Variants in ADK observed in about 807,000 individuals in gnomAD.
The protein encoded by ADK is N6,N6-dimethyladenosine kinase.
In ADK, 24 loss-of-function variants were observed where a neutral mutation model predicts 44.7. That is an observed-to-expected ratio of 0.54 (90% CI 0.39 to 0.76). The LOEUF (loss-of-function observed/expected upper bound fraction) is 0.76. Among genes scored for constraint, ADK ranks in the 30% least tolerant of loss-of-function variants. The pLI, the probability that ADK is intolerant of heterozygous loss-of-function variation, is 0.00. For synonymous variants in ADK, 128 were observed against 142.6 expected (o/e 0.90, Z 0.73); for missense variants, 321 against 425.1 (o/e 0.76, Z 2.15).
chr10:74,459,727 C>CAAAAAAAAAAAAA (rs986375076), intron 6 of ADK, among the ~76,000 whole-genome samples: 1 of 42,796 alleles, frequency 2.3e-5, no homozygotes, highest in Non-Finnish European at 5.1e-5. Context: ...GACTCCATCT[C>CAAAAAAAAAAAAA]AAAAAAAAAA....
intron 9 of ADK, among the ~76,000 whole-genome samples, chr10:74,634,653 CAATG>C (rs1315084522): frequency 3.3e-5 from 5 of 151,924 alleles, no homozygotes; most frequent in Non-Finnish European, 5.9e-5. Flanking sequence ...AGAAAAAAAA[CAATG>C]AACATGGCCG....
intron 1 of ADK, among the ~76,000 whole-genome samples, chr10:74,198,939 A>C (rs1843261639): frequency 6.6e-6 from 1 of 152,248 alleles, no homozygotes; most frequent in Non-Finnish European, 1.5e-5. Flanking sequence ...AGAAGACATG[A>C]ATATAAGAAG....
chr10:74,696,616 C>T (rs780838509), intron 10 of ADK, among the ~76,000 whole-genome samples: 20 of 150,490 alleles, frequency 1.3e-4, no homozygotes, highest in South Asian at 2.1e-4. Context: ...GTGATCTGCC[C>T]GCCTCGGCCT....
intron 6 of ADK, among the ~76,000 whole-genome samples, chr10:74,411,907 G>A (rs141341838): frequency 6.6e-6 from 1 of 152,314 alleles, no homozygotes; most frequent in East Asian, 1.9e-4. Flanking sequence ...TTCATAGCGT[G>A]TTCACCAGGA....
intron 3 of ADK, among the ~76,000 whole-genome samples, chr10:74,232,972 T>A (rs1844836009): frequency 6.6e-6 from 1 of 152,294 alleles, no homozygotes; most frequent in Non-Finnish European, 1.5e-5. Context: ...TCATGAACGA[T>A]AGGTGAATGA....
intron 4 of ADK, among the ~76,000 whole-genome samples, chr10:74,366,261 A>T (rs945094308): frequency 1.3e-5 from 2 of 152,164 alleles, no homozygotes; most frequent in African/African-American, 4.8e-5. Context: ...TTAAGTCTTT[A>T]TACTAAAATA....
At chr10:74,210,843 T>C (rs1018237935) in intron 2 of ADK, among the ~76,000 whole-genome samples, 1 of 152,188 alleles carries the variant, frequency 6.6e-6, no homozygotes, top group African/African-American at 2.4e-5. Flanking sequence ...CATTTAATTG[T>C]TTTGCTTTAA....
Position 74,192,527 on chromosome 10 carries a change from AT to A in ADK, c.66-8223del, listed in dbSNP as rs58530218. On this transcript the variant is annotated intron_variant, in intron 1 of 10. Transcript: ENST00000539909. ...AGGCGTGAGCCACTGCACCTGGCCC[AT>A]TTTTTTTTTTTTTCAAACAGATATG... is the stretch of plus-strand genomic sequence containing the variant. Among the ~76,000 whole-genome samples, 973 of 131,732 alleles carry A rather than the reference AT, an allele frequency of 7.4e-3. 6 individuals are homozygous for A. The highest frequency in any genetic ancestry group is 0.02 in the African/African-American group (744 of 36,576). 86.4% of individuals were successfully genotyped at this position (131,732 alleles called of 152,430 possible).
chr10:74,211,796 T>C (rs1329219308), intron 2 of ADK, among the ~76,000 whole-genome samples: 2 of 152,234 alleles, frequency 1.3e-5, no homozygotes, highest in Non-Finnish European at 2.9e-5. Context: ...ATATATGATA[T>C]TAACCAGTAC....
intron 6 of ADK, among the ~76,000 whole-genome samples, chr10:74,439,125 G>A (rs1386826027): frequency 6.6e-6 from 1 of 152,102 alleles, no homozygotes; most frequent in Non-Finnish European, 1.5e-5. Context: ...CTTTCACTGG[G>A]AAGACTTAAA....
At chr10:74,399,676 A>G (rs1843643540) in intron 6 of ADK, among the ~76,000 whole-genome samples, 1 of 151,900 alleles carries the variant, frequency 6.6e-6, no homozygotes, top group Non-Finnish European at 1.5e-5. Flanking sequence ...CCATTTTTCA[A>G]ATCTTGATAC....
At chr10:74,525,636 G>A (rs1282194020) in intron 7 of ADK, among the ~76,000 whole-genome samples, 2 of 151,786 alleles carry the variant, frequency 1.3e-5, no homozygotes, top group Non-Finnish European at 2.9e-5. Context: ...TCTTAGTGAA[G>A]CATTTATTTA....
rs201375530 is a variant in ADK, at chr10:74,347,092, GC to G, written c.273+32348del. On this transcript the variant is annotated intron_variant, in intron 4 of 10. Transcript: ENST00000539909. ...ACTGCACTCCAGCCTGGGCGACAGA[GC>G]GACACTCTGTCTCAAAAAAAAAAAA... Among the ~76,000 whole-genome samples, 910 of 113,788 alleles carry G rather than the reference GC, an allele frequency of 8.0e-3. 43 individuals are homozygous for G. The highest frequency in any genetic ancestry group is 0.036 in the African/African-American group (845 of 23,616). 74.6% of individuals were successfully genotyped at this position (113,788 alleles called of 152,430 possible). A position where few individuals can be genotyped will look rare whatever the true frequency, so the allele number is the denominator to read the frequency against.
chr10:74,604,450 A>G (rs1394230865), intron 9 of ADK, among the ~76,000 whole-genome samples: 2 of 152,172 alleles, frequency 1.3e-5, no homozygotes, highest in Admixed American at 1.3e-4. Context: ...GAAGGGGTCC[A>G]GTTTCAGTTT....
chr10:74,532,940 A>AAAG (rs1849342498), intron 7 of ADK, among the ~76,000 whole-genome samples: 1 of 150,872 alleles, frequency 6.6e-6, no homozygotes. Context: ...AAAAAAAAAA[A>AAAG]GCTATTAGAA....
intron 10 of ADK, among the ~76,000 whole-genome samples, chr10:74,696,935 C>T (rs1259286537): frequency 1.3e-5 from 2 of 152,160 alleles, no homozygotes; most frequent in Admixed American, 6.5e-5. Flanking sequence ...ATTCTCTGAC[C>T]TTTAAATTTA....
intron 9 of ADK, among the ~76,000 whole-genome samples, chr10:74,619,623 A>C (rs578173087): frequency 1.3e-5 from 2 of 152,056 alleles, no homozygotes; most frequent in East Asian, 3.9e-4. Context: ...GTGTCTGAAA[A>C]CTACAATATC....
chr10:74,156,293 T>TA lies in ADK; in HGVS notation c.65+4951dup, dbSNP rs760560548. 1.4e-4 allele frequency among the ~76,000 whole-genome samples: 21 copies of TA among 152,320 alleles called. 1 individual carries two copies. In the East Asian group the frequency reaches 3.5e-3, roughly 25 times the overall value. ...ATGAGGCTGATGTGCTGCTTTTTTTTACCTGGAATATGTCTTTGCTTTACT... is the reference window on the plus strand; with the variant it reads ...ATGAGGCTGATGTGCTGCTTTTTTTTAACCTGGAATATGTCTTTGCTTTACT... On this transcript the variant is annotated intron_variant, in intron 1 of 10. Coordinates refer to ENST00000539909, the MANE Select transcript of ADK (RefSeq NM_006721.4).
chr10:74,303,588 GTTT>G (rs1185036462), intron 3 of ADK, among the ~76,000 whole-genome samples: 24 of 68,578 alleles, frequency 3.5e-4, no homozygotes, highest in African/African-American at 1.7e-3. Context: ...TTTTAATGTT[GTTT>G]TTTTTTTTTT....
Sources: allele counts gnomAD v4.1 joint callset (sites outside exome capture counted in the v4.1 genomes callset), GRCh38; gene constraint gnomAD v4.1.1; transcripts MANE v1.5; gene names NCBI Gene and HGNC (gene_info 2026-07-23, HGNC 2026-07-21).